Variants in KITLG observed in about 807,000 individuals in gnomAD.
The protein encoded by KITLG is KIT ligand.
Under a neutral mutation model 34.1 loss-of-function variants are expected in KITLG, and 13 were observed. That is an observed-to-expected ratio of 0.38 (90% CI 0.25 to 0.61). The LOEUF (loss-of-function observed/expected upper bound fraction) is 0.61, where lower values mean the gene tolerates loss of function less well. Among genes scored for constraint, KITLG ranks in the 20% least tolerant of loss-of-function variants. KITLG has a pLI of 0.60. For missense variants in KITLG, 292 were observed against 318.9 expected (o/e 0.92, Z 0.64); for synonymous variants, 110 against 104.0 (o/e 1.06, Z -0.35).
At chr12:88,563,680 G>A (rs1468932343) in intron 1 of KITLG, among the ~76,000 whole-genome samples, 1 of 152,172 alleles carries the variant, frequency 6.6e-6, no homozygotes, top group Admixed American at 6.5e-5. Flanking sequence ...GGAAGATGTG[G>A]CCGGGCGCAG....
chr12:88,517,518 A>C (rs1356495371), intron 4 of KITLG, among the ~76,000 whole-genome samples: 1 of 152,078 alleles, frequency 6.6e-6, no homozygotes, highest in Non-Finnish European at 1.5e-5. Context: ...TGTTGTTTGC[A>C]GTGTTCTTCC....
chr12:88,544,482 A>AT (rs1870637789), intron 2 of KITLG, among the ~76,000 whole-genome samples: 1 of 150,440 alleles, frequency 6.6e-6, no homozygotes, highest in Non-Finnish European at 1.5e-5. Flanking sequence ...AGGAAAAAAA[A>AT]CATGATCTAT....
At chr12:88,509,320 C>A (rs1232862888) in intron 6 of KITLG, among the ~76,000 whole-genome samples, 1 of 152,052 alleles carries the variant, frequency 6.6e-6, no homozygotes, top group Admixed American at 6.6e-5. Flanking sequence ...CCACTCAGAC[C>A]AAAGGAAAGA....
intron 1 of KITLG, chr12:88,564,194 T>C (rs1270824855): frequency 1.3e-5 from 2 of 152,170 alleles, no homozygotes; most frequent in Non-Finnish European, 2.9e-5. Context: ...AAAAGAAGAA[T>C]ATAGGAAATG....
At chr12:88,575,591 C>T (rs1871800245) in intron 1 of KITLG, among the ~76,000 whole-genome samples, 1 of 152,104 alleles carries the variant, frequency 6.6e-6, no homozygotes, top group Non-Finnish European at 1.5e-5. Context: ...TTCTATGAAA[C>T]AGAGCCTATA....
At chr12:88,571,763 C>T (rs141901241) in intron 1 of KITLG, among the ~76,000 whole-genome samples, 259 of 152,208 alleles carry the variant, frequency 1.7e-3, no homozygotes, top group African/African-American at 6.1e-3. Flanking sequence ...CTTTTTTGAA[C>T]ATCTGAGTTG....
At chr12:88,550,790 T>G (rs746608967) in intron 1 of KITLG, among the ~76,000 whole-genome samples, 3 of 152,204 alleles carry the variant, frequency 2.0e-5, no homozygotes, top group Non-Finnish European at 4.4e-5. Flanking sequence ...TTTAATACTT[T>G]TGCAAATATC....
intron 9 of KITLG, among the ~76,000 whole-genome samples, chr12:88,503,994 T>C (rs1366858209): frequency 6.6e-6 from 1 of 152,208 alleles, no homozygotes; most frequent in Non-Finnish European, 1.5e-5. Context: ...CTAAATAAAA[T>C]TGATTCCATA....
intron 1 of KITLG, among the ~76,000 whole-genome samples, chr12:88,551,380 A>G (rs1159377966): frequency 6.6e-6 from 1 of 152,186 alleles, no homozygotes; most frequent in Non-Finnish European, 1.5e-5. Flanking sequence ...TAACTTTTCT[A>G]CACAGAAGTC....
chr12:88,519,008 G>A (rs1034506765), intron 3 of KITLG, 141 bp from the exon 4 acceptor site: 1 of 732,812 alleles, frequency 1.4e-6, no homozygotes, highest in African/African-American at 1.8e-5. Context: ...GATTACAAGT[G>A]CCTGCCACCA....
intron 8 of KITLG, 139 bp from the exon 9 acceptor site, chr12:88,505,374 T>A: frequency 1.5e-6 from 1 of 689,154 alleles, no homozygotes; most frequent in Non-Finnish European, 2.7e-6. Flanking sequence ...GAGCCTACCT[T>A]CTTATTACTA....
chr12:88,576,836 G>C (rs1174643585), intron 1 of KITLG, among the ~76,000 whole-genome samples: 6 of 151,996 alleles, frequency 3.9e-5, no homozygotes, highest in African/African-American at 1.4e-4. Flanking sequence ...TGCTATTTGA[G>C]TGAGAAATTT....
chr12:88,522,416 GA>G (rs1869703897), intron 3 of KITLG, among the ~76,000 whole-genome samples: 1 of 141,192 alleles, frequency 7.1e-6, no homozygotes, highest in Non-Finnish European at 1.5e-5. Context: ...ATTGGTATTA[GA>G]TGCACAGTCT....
intron 1 of KITLG, among the ~76,000 whole-genome samples, chr12:88,564,686 G>A (rs1286021952): frequency 1.9e-5 from 2 of 106,290 alleles, no homozygotes; most frequent in Non-Finnish European, 4.2e-5. Flanking sequence ...CATTTTATTG[G>A]TTCAAGAAAT....
At chr12:88,510,346 T>C (rs1257528097) in intron 6 of KITLG, among the ~76,000 whole-genome samples, 2 of 152,192 alleles carry the variant, frequency 1.3e-5, no homozygotes, top group Admixed American at 6.5e-5. Context: ...TGCATCTCAT[T>C]GTTCTAGTAC....
intron 1 of KITLG, among the ~76,000 whole-genome samples, chr12:88,562,018 G>A (rs544633180): frequency 6.6e-6 from 1 of 152,114 alleles, no homozygotes; most frequent in Admixed American, 6.5e-5. Flanking sequence ...AAATTATTTT[G>A]ATTACCCAAT....
At chr12:88,539,781 A>T (rs1455163623) in intron 2 of KITLG, among the ~76,000 whole-genome samples, 1 of 151,962 alleles carries the variant, frequency 6.6e-6, no homozygotes, top group South Asian at 2.1e-4. Flanking sequence ...AAAATTAGTC[A>T]GGTATGGTGG....
At chr12:88,541,751 C>A (rs539785983) in intron 2 of KITLG, among the ~76,000 whole-genome samples, 1 of 152,110 alleles carries the variant, frequency 6.6e-6, no homozygotes, top group Non-Finnish European at 1.5e-5. Flanking sequence ...AGTAAACAGG[C>A]CAGAAGCATT....
intron 3 of KITLG, among the ~76,000 whole-genome samples, chr12:88,528,500 A>AAAAAAC (rs935608966): frequency 2.6e-5 from 4 of 152,228 alleles, no homozygotes; most frequent in African/African-American, 9.6e-5. Context: ...TGCAAAAAAC[A>AAAAAAC]AAAAACAAAA....
Sources: allele counts gnomAD v4.1 joint callset (sites outside exome capture counted in the v4.1 genomes callset), GRCh38; gene constraint gnomAD v4.1.1; transcripts MANE v1.5; gene names NCBI Gene and HGNC (gene_info 2026-07-23, HGNC 2026-07-21).